The following DOCK2 variants were observed in gnomAD, a reference collection of about 807,000 sequenced individuals.
DOCK2 encodes the protein dedicator of cytokinesis 2, also known as dedicator of cytokinesis protein 2.
In DOCK2, 87 loss-of-function variants were observed where a neutral mutation model predicts 248.9. The ratio of observed to expected loss-of-function variants is 0.35; its 90% CI spans 0.29 to 0.42. DOCK2 has a LOEUF of 0.42. DOCK2 is among the 10% of genes least tolerant of loss of function. The pLI, the probability that DOCK2 is intolerant of heterozygous loss-of-function variation, is 1.00. For missense variants in DOCK2, 1,747 were observed against 2,300.2 expected (o/e 0.76, Z 4.92); for synonymous variants, 805 against 821.6 (o/e 0.98, Z 0.35).
intron 25 of DOCK2, among the ~76,000 whole-genome samples, chr5:169,773,392 G>GA (rs1422555096): frequency 1.3e-5 from 2 of 151,942 alleles, no homozygotes; most frequent in African/African-American, 4.8e-5. Context: ...AATTAGGGGA[G>GA]AAAAAAATTC....
At chr5:169,892,956 C>T (rs956541160) in intron 27 of DOCK2, among the ~76,000 whole-genome samples, 2 of 152,118 alleles carry the variant, frequency 1.3e-5, no homozygotes, top group African/African-American at 4.8e-5. Flanking sequence ...TCTCCCCTCT[C>T]CTCCCTGCTC....
chr5:169,906,786 A>G (rs1774304338), intron 27 of DOCK2, among the ~76,000 whole-genome samples: 1 of 152,168 alleles, frequency 6.6e-6, no homozygotes, highest in African/African-American at 2.4e-5. Context: ...AAAGAATTGA[A>G]GGGTGGTTCT....
chr5:170,080,537 T>G, intron 50 of DOCK2: 2 of 481,502 alleles, frequency 4.2e-6, no homozygotes, highest in Non-Finnish European at 7.3e-6. Context: ...CAGGATTCAC[T>G]GAGCATCCAT....
At chr5:169,788,666 G>A (rs1561696591) in intron 25 of DOCK2, among the ~76,000 whole-genome samples, 2 of 152,138 alleles carry the variant, frequency 1.3e-5, no homozygotes, top group Admixed American at 6.5e-5. Context: ...CCATTGGGAT[G>A]TCATCTTTCT....
In DOCK2 at chr5:169,988,342, C is replaced by T. The variant is rs553555076; in HGVS notation, c.2993+2420C>T. On this transcript the variant is annotated intron_variant, in intron 29 of 51. Transcript: ENST00000520908. ...ATGAAATTAGTTCATTTAATCCTCC[C>T]AACAACTTTATAATGTAGAACAACT... Among the ~76,000 whole-genome samples, 20 of 152,108 alleles carry T rather than the reference C, an allele frequency of 1.3e-4. No individual in the cohort carries two copies. In the South Asian group the frequency reaches 2.5e-3, roughly 19 times the overall value.
At chr5:169,867,133 A>G (rs1771615212) in intron 27 of DOCK2, among the ~76,000 whole-genome samples, 1 of 152,230 alleles carries the variant, frequency 6.6e-6, no homozygotes, top group Non-Finnish European at 1.5e-5. Flanking sequence ...GGATATTGCA[A>G]AGGATACAGA....
At chr5:170,070,458 A>T (rs1757643393) in intron 46 of DOCK2, among the ~76,000 whole-genome samples, 1 of 152,140 alleles carries the variant, frequency 6.6e-6, no homozygotes, top group African/African-American at 2.4e-5. Context: ...GCTTTTCCCG[A>T]ATGCATGTTG....
chr5:169,988,906 T>C (rs1561869210), intron 29 of DOCK2, among the ~76,000 whole-genome samples: 1 of 152,372 alleles, frequency 6.6e-6, no homozygotes, highest in East Asian at 1.9e-4. Flanking sequence ...CAGACCAGTG[T>C]TCCCCAGAAT....
chr5:169,650,305 G>C (rs984492948), intron 1 of DOCK2, among the ~76,000 whole-genome samples: 13 of 151,930 alleles, frequency 8.6e-5, no homozygotes, highest in African/African-American at 2.9e-4. Context: ...CATTTTCTTA[G>C]GAAACAGGGT....
chr5:169,681,649 C>A, intron 6 of DOCK2, 95 bp from the exon 7 acceptor site: 1 of 1,434,084 alleles, frequency 7.0e-7, no homozygotes, highest in Non-Finnish European at 9.4e-7. Flanking sequence ...CTATATGACC[C>A]CCAGAAATCA....
At chr5:169,849,166 A>G (rs1003416112) in intron 27 of DOCK2, among the ~76,000 whole-genome samples, 1 of 152,190 alleles carries the variant, frequency 6.6e-6, no homozygotes, top group Non-Finnish European at 1.5e-5. Context: ...TTGAAAAGTA[A>G]TATTTATAAT....
intron 1 of DOCK2, among the ~76,000 whole-genome samples, chr5:169,651,160 C>T (rs1757785291): frequency 2.0e-5 from 3 of 152,188 alleles, no homozygotes; most frequent in Non-Finnish European, 4.4e-5. Context: ...TGTTAGTCAT[C>T]TAGAAGACTA....
At chr5:169,713,264 AT>A (rs1761688036) in intron 17 of DOCK2, among the ~76,000 whole-genome samples, 1 of 152,132 alleles carries the variant, frequency 6.6e-6, no homozygotes, top group Non-Finnish European at 1.5e-5. Context: ...ACTTACCCCC[AT>A]TAGGTCCCAG....
chr5:169,811,124 G>A (rs1349764226), intron 26 of DOCK2, among the ~76,000 whole-genome samples: 4 of 152,148 alleles, frequency 2.6e-5, no homozygotes, highest in African/African-American at 9.7e-5. Flanking sequence ...ACTGCGGCAT[G>A]AGCATGAATC....
chr5:169,990,745 G>T (rs891205413), intron 29 of DOCK2, among the ~76,000 whole-genome samples: 1 of 152,316 alleles, frequency 6.6e-6, no homozygotes, highest in South Asian at 2.1e-4. Context: ...TCCCATGAAT[G>T]ACAGGGGATT....
chr5:170,044,001 T>C (rs1268486932), intron 38 of DOCK2, among the ~76,000 whole-genome samples: 5 of 152,224 alleles, frequency 3.3e-5, no homozygotes, highest in South Asian at 4.1e-4. Context: ...CCAAAGTACT[T>C]TGAGAGCAGA....
intron 8 of DOCK2, among the ~76,000 whole-genome samples, chr5:169,686,679 C>T (rs1286860208): frequency 6.6e-6 from 1 of 152,208 alleles, no homozygotes; most frequent in Non-Finnish European, 1.5e-5. Flanking sequence ...GATCGACATA[C>T]AGTGAACAAC....
At chr5:169,974,688 G>C (rs1777649529) in intron 27 of DOCK2, among the ~76,000 whole-genome samples, 1 of 152,104 alleles carries the variant, frequency 6.6e-6, no homozygotes, top group Non-Finnish European at 1.5e-5. Flanking sequence ...TCTCAGGGAG[G>C]TGTGAACTGA....
intron 25 of DOCK2, among the ~76,000 whole-genome samples, chr5:169,780,093 G>A (rs1321612417): frequency 6.6e-6 from 1 of 152,090 alleles, no homozygotes; most frequent in South Asian, 2.1e-4. Flanking sequence ...TTCCACCATG[G>A]CTTTGGCCTT....
Sources: allele counts gnomAD v4.1 joint callset (sites outside exome capture counted in the v4.1 genomes callset), GRCh38; gene constraint gnomAD v4.1.1; transcripts MANE v1.5; gene names NCBI Gene and HGNC (gene_info 2026-07-23, HGNC 2026-07-21).